ARHGAP42: variants seen among roughly 807,000 people sequenced by gnomAD.
The protein encoded by ARHGAP42 is rho GTPase-activating protein 42.
Under a neutral mutation model 125.0 loss-of-function variants are expected in ARHGAP42, and 63 were observed. That is an observed-to-expected ratio of 0.50 (90% CI 0.41 to 0.62). ARHGAP42 has a LOEUF of 0.62. ARHGAP42 is among the 20% of genes least tolerant of loss of function. ARHGAP42 has a pLI of 0.00. For missense variants in ARHGAP42, 766 were observed against 1,024.2 expected (o/e 0.75, Z 3.44); for synonymous variants, 339 against 351.0 (o/e 0.97, Z 0.38).
At chr11:100,859,791 A>G (rs1865401909) in intron 4 of ARHGAP42, 166 bp downstream of exon 4, 2 of 493,954 alleles carry the variant, frequency 4.0e-6, no homozygotes, top group East Asian at 6.8e-5. Flanking sequence ...TCTTTTAGAC[A>G]TAAAAGATGT....
intron 4 of ARHGAP42, among the ~76,000 whole-genome samples, chr11:100,863,059 A>C (rs868784486): frequency 3.6e-5 from 5 of 137,454 alleles, no homozygotes. Context: ...AAAAACACAA[A>C]ACACACACAC....
At chr11:100,937,283 T>A (rs1867762442) in intron 8 of ARHGAP42, among the ~76,000 whole-genome samples, 2 of 152,164 alleles carry the variant, frequency 1.3e-5, no homozygotes, top group Admixed American at 1.3e-4. Flanking sequence ...ATGATAAAAC[T>A]AGTGATCTGC....
intron 8 of ARHGAP42, among the ~76,000 whole-genome samples, 172 bp from the exon 9 acceptor site, chr11:100,941,612 A>AGG (rs1867887020): frequency 4.3e-4 from 1 of 2,322 alleles, no homozygotes; most frequent in African/African-American, 2.0e-3. Context: ...ATTCTAAGAC[A>AGG]CTCTACCCTA....
chr11:100,833,979 A>G (rs1251882732), intron 3 of ARHGAP42, among the ~76,000 whole-genome samples: 2 of 152,328 alleles, frequency 1.3e-5, no homozygotes, highest in East Asian at 3.9e-4. Context: ...TCAAGGGATC[A>G]TACTAAAATC....
chr11:100,771,662 G>C (rs150720707), intron 2 of ARHGAP42, among the ~76,000 whole-genome samples: 1 of 151,556 alleles, frequency 6.6e-6, no homozygotes, highest in Non-Finnish European at 1.5e-5. Flanking sequence ...GCAGTGGCAC[G>C]ATCTCGGCTC....
At chr11:100,843,242 T>TA (rs1864983540) in intron 3 of ARHGAP42, among the ~76,000 whole-genome samples, 1 of 151,982 alleles carries the variant, frequency 6.6e-6, no homozygotes, top group Non-Finnish European at 1.5e-5. Context: ...CCTGGAAAGA[T>TA]ACAACACTCC....
intron 3 of ARHGAP42, among the ~76,000 whole-genome samples, chr11:100,803,425 G>A (rs1442618376): frequency 6.6e-6 from 1 of 152,082 alleles, no homozygotes; most frequent in Non-Finnish European, 1.5e-5. Flanking sequence ...AGAAAGGGTG[G>A]GAGGATAGAG....
chr11:100,711,538 T>G (rs1454197275), intron 1 of ARHGAP42, among the ~76,000 whole-genome samples: 1 of 152,016 alleles, frequency 6.6e-6, no homozygotes, highest in African/African-American at 2.4e-5. Context: ...GTCTACTTTC[T>G]TTAGACATGA....
chr11:100,757,891 T>G (rs1236263477), intron 1 of ARHGAP42, among the ~76,000 whole-genome samples: 1 of 152,220 alleles, frequency 6.6e-6, no homozygotes, highest in Non-Finnish European at 1.5e-5. Flanking sequence ...CCAGCATTCA[T>G]CCACATCTTA....
At chr11:100,981,501 A>G (rs1858543557) in intron 22 of ARHGAP42, among the ~76,000 whole-genome samples, 1 of 152,222 alleles carries the variant, frequency 6.6e-6, no homozygotes. Flanking sequence ...TAGAACCAGT[A>G]GAGGCAGTAG....
At chr11:100,880,244 C>T (rs1363430574) in intron 4 of ARHGAP42, among the ~76,000 whole-genome samples, 2 of 152,124 alleles carry the variant, frequency 1.3e-5, no homozygotes, top group Non-Finnish European at 2.9e-5. Flanking sequence ...TCTTTTATCC[C>T]TCACCCCATT....
chr11:100,925,664 G>C (rs1000325147), intron 6 of ARHGAP42, among the ~76,000 whole-genome samples: 1 of 152,194 alleles, frequency 6.6e-6, no homozygotes, highest in Non-Finnish European at 1.5e-5. Context: ...CTTGAACCCT[G>C]GAGGCAGAGG....
rs900552274 is a variant in ARHGAP42 at position 100,993,395 on chromosome 11, C to T, written c.*4594C>T. 4.8e-5 allele frequency: 8 copies of T among 166,826 alleles called. No homozygotes were observed. The East Asian group carries it at 1.2e-3, about 24-fold the overall frequency. 10.3% of individuals were successfully genotyped at this position (166,826 alleles called of 1,614,324 possible). On this transcript the variant is annotated 3_prime_UTR_variant, in exon 24 of 24. Transcript: ENST00000298815. ...GCATTTTTGAGGCTTTATATCTGCC[C>T]GTGTACCCTCAACTGCCTCCTTTTT...
chr11:100,714,142 T>A (rs148536409), intron 1 of ARHGAP42, among the ~76,000 whole-genome samples: 52 of 152,346 alleles, frequency 3.4e-4, no homozygotes, highest in African/African-American at 1.1e-3. Flanking sequence ...TGCAAAAATT[T>A]CTGAAATCCT....
At chr11:100,791,130 A>G (rs1349203401) in intron 2 of ARHGAP42, among the ~76,000 whole-genome samples, 1 of 152,082 alleles carries the variant, frequency 6.6e-6, no homozygotes, top group Non-Finnish European at 1.5e-5. Context: ...CACAGTTTTC[A>G]TGGTCTCTTA....
intron 10 of ARHGAP42, among the ~76,000 whole-genome samples, chr11:100,946,523 T>C (rs1198058311): frequency 6.6e-6 from 1 of 152,094 alleles, no homozygotes; most frequent in Admixed American, 6.6e-5. Context: ...TTCCTTTCCC[T>C]TGAACACTTA....
chr11:100,789,506 C>G (rs1055473296), intron 2 of ARHGAP42, among the ~76,000 whole-genome samples: 1 of 152,190 alleles, frequency 6.6e-6, no homozygotes, highest in Non-Finnish European at 1.5e-5. Context: ...TGGGTGCAAG[C>G]AAGCCATGGG....
At chr11:100,956,698 G>T (rs1001583848) in intron 12 of ARHGAP42, among the ~76,000 whole-genome samples, 3 of 152,040 alleles carry the variant, frequency 2.0e-5, no homozygotes, top group Non-Finnish European at 2.9e-5. Flanking sequence ...TTTTTTCATT[G>T]TATTTATTGG....
intron 4 of ARHGAP42, among the ~76,000 whole-genome samples, chr11:100,877,366 C>T (rs1256182262): frequency 6.6e-6 from 1 of 152,190 alleles, no homozygotes; most frequent in South Asian, 2.1e-4. Flanking sequence ...AAATACAAGA[C>T]TCCTACGGGA....
Sources: gnomAD v4.1 joint callset for allele counts (sites outside exome capture counted in the v4.1 genomes callset) on GRCh38, gnomAD v4.1.1 for gene constraint, MANE v1.5 for transcripts, NCBI Gene and HGNC (gene_info 2026-07-23, HGNC 2026-07-21) for gene names.